The following GLRA3 variants were observed in gnomAD, a reference collection of about 807,000 sequenced individuals.
GLRA3 encodes the protein glycine receptor alpha 3.
In GLRA3, 44 loss-of-function variants were observed where a neutral mutation model predicts 60.4. The ratio of observed to expected loss-of-function variants is 0.73; its 90% CI spans 0.57 to 0.94. The LOEUF is 0.94. Among genes scored for constraint, GLRA3 ranks in the 40% least tolerant of loss-of-function variants. The pLI, the probability that GLRA3 is intolerant of heterozygous loss-of-function variation, is 0.00. For missense variants in GLRA3, 508 were observed against 564.6 expected, an observed-to-expected ratio of 0.90 and a Z score of 1.02; for synonymous variants, 223 against 192.9, an observed-to-expected ratio of 1.16 and a Z score of -1.29.
At chr4:174,815,865 G>A (rs1340308261) in intron 1 of GLRA3, among the ~76,000 whole-genome samples, 4 of 152,128 alleles carry the variant, frequency 2.6e-5, no homozygotes, top group South Asian at 2.1e-4. Context: ...CATTATCTTG[G>A]TGACTAACAT....
At chr4:174,826,983 T>C (rs1467185254) in intron 1 of GLRA3, among the ~76,000 whole-genome samples, 2 of 151,612 alleles carry the variant, frequency 1.3e-5, no homozygotes, top group Non-Finnish European at 2.9e-5. Context: ...GATAACCTAC[T>C]CTCATCTAAG....
intron 7 of GLRA3, among the ~76,000 whole-genome samples, chr4:174,672,964 GTTC>G (rs1733969673): frequency 6.6e-6 from 1 of 151,960 alleles, no homozygotes; most frequent in Non-Finnish European, 1.5e-5. Flanking sequence ...GATATGCTAT[GTTC>G]AAAAGTCTCT....
chr4:174,822,087 A>G (rs370852271), intron 1 of GLRA3, among the ~76,000 whole-genome samples: 2 of 152,212 alleles, frequency 1.3e-5, no homozygotes, highest in Admixed American at 1.3e-4. Flanking sequence ...GACAACTTGC[A>G]TGAAAATCTA....
At chr4:174,666,200 T>C (rs1217662121) in intron 7 of GLRA3, among the ~76,000 whole-genome samples, 2 of 152,136 alleles carry the variant, frequency 1.3e-5, no homozygotes, top group African/African-American at 4.8e-5. Context: ...TTCCAGGCTC[T>C]ATAAATTTCA....
intron 1 of GLRA3, among the ~76,000 whole-genome samples, chr4:174,799,206 G>C (rs1163678784): frequency 6.6e-6 from 1 of 152,060 alleles, no homozygotes; most frequent in Non-Finnish European, 1.5e-5. Context: ...AATTACCTAT[G>C]GATTACAGAT....
chr4:174,793,390 C>A (rs1199190133), intron 1 of GLRA3, among the ~76,000 whole-genome samples: 3 of 151,652 alleles, frequency 2.0e-5, no homozygotes, highest in Non-Finnish European at 4.4e-5. Flanking sequence ...CAAAAAAATA[C>A]CTGTTTTCTT....
chr4:174,757,365 G>A (rs1372610096), intron 3 of GLRA3, among the ~76,000 whole-genome samples: 1 of 152,086 alleles, frequency 6.6e-6, no homozygotes, highest in African/African-American at 2.4e-5. Context: ...CACATCTGGT[G>A]ATCAGATCTG....
intron 1 of GLRA3, among the ~76,000 whole-genome samples, chr4:174,827,398 C>A (rs1030839654): frequency 6.6e-6 from 1 of 151,354 alleles, no homozygotes; most frequent in Non-Finnish European, 1.5e-5. Context: ...AATCTGATTT[C>A]TTTGAAAAAA....
chr4:174,755,401 A>C lies in GLRA3; in HGVS notation c.267+11562T>G, dbSNP rs928731126. Among the ~76,000 whole-genome samples the C allele has an allele frequency of 5.9e-5, 9 of 152,280 alleles. No homozygotes were observed. The South Asian group carries it at 1.0e-3, about 18-fold the overall frequency. ...ACAAAATATTAAAAAAAGAAAAAGG[A>C]TACTTAAAAGTAAATTGGATGAAAT... On this transcript the variant is annotated intron_variant, in intron 3 of 9. Transcript: ENST00000274093.
chr4:174,803,186 G>A (rs1739895074), intron 1 of GLRA3, among the ~76,000 whole-genome samples: 1 of 151,920 alleles, frequency 6.6e-6, no homozygotes, highest in Non-Finnish European at 1.5e-5. Flanking sequence ...CTTTGAAAAT[G>A]CTAAACTTGA....
At chr4:174,682,608 G>A (rs746330804) in intron 6 of GLRA3, among the ~76,000 whole-genome samples, 194 bp downstream of exon 6, 13 of 151,974 alleles carry the variant, frequency 8.6e-5, no homozygotes, top group Non-Finnish European at 1.5e-4. Context: ...CATTACTTTC[G>A]TCTCATACAG....
In GLRA3 at chr4:174,642,820, A is replaced by G; in HGVS notation, c.*966T>C. The G allele has an allele frequency of 1.2e-6, 1 of 810,766 alleles. No individual in the cohort carries two copies. Among genetic ancestry groups the G allele is most frequent in the Non-Finnish European group, 1.5e-6 (1 of 670,998 alleles). The allele number at this position is 810,766 out of a possible 1,614,324, so 50.2% of individuals were successfully genotyped here. A position where few individuals can be genotyped will look rare whatever the true frequency, so the allele number is the denominator to read the frequency against. On this transcript the variant is annotated 3_prime_UTR_variant, in exon 10 of 10. Transcript: ENST00000274093. ...TTATTAAAAAATCTTCCATGAATCC[A>G]TTTTGTTTTCATTGTATTCATTTTT...
chr4:174,704,993 T>C lies in GLRA3; in HGVS notation c.574+10495A>G, dbSNP rs1335897447. Among the ~76,000 whole-genome samples, 3 of 143,658 alleles carry C rather than the reference T, an allele frequency of 2.1e-5. 1 individual carries two copies. Among genetic ancestry groups the C allele is most frequent in the African/African-American group, 7.5e-5 (3 of 39,840 alleles). The allele number at this position is 143,658 out of a possible 152,430, so 94.2% of individuals were successfully genotyped here. A position where few individuals can be genotyped will look rare whatever the true frequency, so the allele number is the denominator to read the frequency against. On this transcript the variant is annotated intron_variant, in intron 5 of 9. Transcript: ENST00000274093. ...TAGAGTTCAGTTTTGCAAGATGAAA[T>C]AGTTTGGGAGATTGCTTGTACAACA...
At chr4:174,795,475 G>A (rs1994313) in intron 1 of GLRA3, among the ~76,000 whole-genome samples, 69,159 of 151,874 alleles carry the variant, frequency 0.46, 16,784 homozygotes, top group African/African-American at 0.59. Context: ...TGTATTGAGA[G>A]CTATACATGA....
At chr4:174,728,450 T>C in intron 4 of GLRA3, 25 bp downstream of exon 4, 1 of 1,239,614 alleles carries the variant, frequency 8.1e-7, no homozygotes, top group Non-Finnish European at 1.2e-6. Flanking sequence ...TTCACTGAAA[T>C]CGGCAATTTA....
chr4:174,674,472 T>G (rs932594883), intron 7 of GLRA3, among the ~76,000 whole-genome samples: 1 of 152,186 alleles, frequency 6.6e-6, no homozygotes, highest in African/African-American at 2.4e-5. Context: ...CATGACATTG[T>G]AGAGGCTGAT....
intron 3 of GLRA3, among the ~76,000 whole-genome samples, chr4:174,766,359 C>T (rs140203336): frequency 3.0e-3 from 461 of 151,864 alleles, no homozygotes; most frequent in Non-Finnish European, 5.0e-3. Flanking sequence ...AGTTAAATTG[C>T]CCAATAAAAG....
At chr4:174,726,972 C>A (rs1736351764) in intron 4 of GLRA3, among the ~76,000 whole-genome samples, 1 of 152,024 alleles carries the variant, frequency 6.6e-6, no homozygotes, top group South Asian at 2.1e-4. Context: ...AGTGGTGGAA[C>A]CTGAAATCTT....
intron 3 of GLRA3, among the ~76,000 whole-genome samples, chr4:174,743,927 A>ACTGCAG (rs112341191): frequency 0.16 from 23,874 of 151,896 alleles, 2,429 homozygotes; most frequent in African/African-American, 0.3. Flanking sequence ...TCCATACACC[A>ACTGCAG]CTGCAGCTGC....
Sources: gnomAD v4.1 joint callset for allele counts (sites outside exome capture counted in the v4.1 genomes callset) on GRCh38, gnomAD v4.1.1 for gene constraint, MANE v1.5 for transcripts, NCBI Gene and HGNC (gene_info 2026-07-23, HGNC 2026-07-21) for gene names.